The following LMX1B variants were observed in gnomAD, a reference collection of about 807,000 sequenced individuals.
LMX1B encodes the protein LIM homeobox transcription factor 1-beta.
Under a neutral mutation model 51.4 loss-of-function variants are expected in LMX1B, and 12 were observed. The observed-to-expected ratio is 0.23, with a 90% CI of 0.15 to 0.38. The LOEUF is 0.38. Among genes scored for constraint, LMX1B ranks in the 10% least tolerant of loss-of-function variants. LMX1B has a pLI of 1.00. For missense variants in LMX1B, 445 were observed against 571.1 expected, an observed-to-expected ratio of 0.78 and a Z score of 2.25; for synonymous variants, 237 against 235.4, an observed-to-expected ratio of 1.01 and a Z score of -0.06.
At position 126,695,361 on chromosome 9, in the gene LMX1B, A is replaced by G. The variant is rs1480192429; in HGVS notation, c.887-478A>G. 2.0e-5 allele frequency among the ~76,000 whole-genome samples: 3 copies of G among 151,588 alleles called. No individual in the cohort carries two copies. The highest frequency in any genetic ancestry group is 1.9e-4 in the East Asian group (1 of 5,132). On this transcript the variant is annotated intron_variant, in intron 6 of 7. Transcript: ENST00000373474. This position sits in a 1 kb window ranked among gnomAD's most constrained non-coding sequence, Gnocchi z 5.2. ...TCTTGGCCCCACGTGCTGCACCCTC[A>G]CTTACCCGGCGGTCTGTCTCCTCCA...
At chr9:126,628,134 C>T (rs570178664) in intron 2 of LMX1B, among the ~76,000 whole-genome samples, 1 of 152,358 alleles carries the variant, frequency 6.6e-6, no homozygotes, top group Admixed American at 6.5e-5. Context: ...ATCCCACCAT[C>T]TTTCTTGTCT....
At chr9:126,674,917 A>G (rs1588295610) in intron 2 of LMX1B, among the ~76,000 whole-genome samples, 1 of 152,288 alleles carries the variant, frequency 6.6e-6, no homozygotes, top group East Asian at 1.9e-4. Flanking sequence ...CCTTTCAATG[A>G]CTTCCCCGTG....
At chr9:126,624,265 C>T (rs1341040406) in intron 2 of LMX1B, among the ~76,000 whole-genome samples, 4 of 152,204 alleles carry the variant, frequency 2.6e-5, no homozygotes, top group African/African-American at 4.8e-5. Context: ...GGGTGCCCCG[C>T]CAGGTGGGGC....
At chr9:126,684,889 G>A (rs995817719) in intron 2 of LMX1B, among the ~76,000 whole-genome samples, 1 of 152,174 alleles carries the variant, frequency 6.6e-6, no homozygotes, top group Non-Finnish European at 1.5e-5. Context: ...GAAGGGGCTG[G>A]GGGCAGGAGG....
intron 3 of LMX1B, among the ~76,000 whole-genome samples, 163 bp from the exon 4 acceptor site, chr9:126,692,979 G>A (rs2030186907): frequency 1.3e-5 from 2 of 152,222 alleles, no homozygotes; most frequent in African/African-American, 4.8e-5. Context: ...GGGCCTGTGG[G>A]CCACGGGAGG....
At position 126,615,084 on chromosome 9, in the gene LMX1B, G is replaced by C. The variant is rs1182219763; in HGVS notation, c.140-299G>C. ...TGTCTTGGTCCCAGCCGGCCACCCT[G>C]CGCCGTGCTCGTTGTCATTTGTCTT... On this transcript the variant is annotated intron_variant, in intron 1 of 7. Transcript: ENST00000373474. The surrounding 1 kb of genome is among the most constrained non-coding windows in gnomAD (Gnocchi z 6.0). Among the ~76,000 whole-genome samples, 1 of 152,054 alleles carries C rather than the reference G, an allele frequency of 6.6e-6. No individual in the cohort carries two copies. Among genetic ancestry groups the C allele is most frequent in the Non-Finnish European group, 1.5e-5 (1 of 67,982 alleles).
At chr9:126,681,339 A>C (rs1228498068) in intron 2 of LMX1B, among the ~76,000 whole-genome samples, 1 of 151,770 alleles carries the variant, frequency 6.6e-6, no homozygotes, top group Non-Finnish European at 1.5e-5. Context: ...CCAGGGCTGC[A>C]CTCCCTGTTC....
chr9:126,693,087 T>C, intron 3 of LMX1B, 55 bp from the exon 4 acceptor site: 1 of 1,528,264 alleles, frequency 6.5e-7, no homozygotes, highest in Admixed American at 2.0e-5. Context: ...GGGACAAGGC[T>C]GAGGCCTGGG....
chr9:126,618,112 C>G lies in LMX1B; in HGVS notation c.326+2543C>G, dbSNP rs904648896. On this transcript the variant is annotated intron_variant, in intron 2 of 7. Transcript: ENST00000373474. The surrounding 1 kb of genome is among the most constrained non-coding windows in gnomAD (Gnocchi z 4.5). ...ATTTCATCTGTGCGTAAATGCTTTT[C>G]AGACAGGAATCCAAGCAAGCGGGCG... Among the ~76,000 whole-genome samples, 1 of 152,150 alleles carries G rather than the reference C, an allele frequency of 6.6e-6. No homozygotes were observed. The highest frequency in any genetic ancestry group is 2.4e-5 in the African/African-American group (1 of 41,418).
intron 2 of LMX1B, among the ~76,000 whole-genome samples, chr9:126,634,168 C>T (rs1835675742): frequency 6.6e-6 from 1 of 152,160 alleles, no homozygotes; most frequent in Non-Finnish European, 1.5e-5. Context: ...CCAGCCTGGC[C>T]TGCCTGGGAT....
intron 2 of LMX1B, among the ~76,000 whole-genome samples, chr9:126,681,986 T>C (rs1836683381): frequency 6.7e-6 from 1 of 148,860 alleles, no homozygotes; most frequent in Non-Finnish European, 1.5e-5. Flanking sequence ...TCATGTGATC[T>C]GTCCCCTTTG....
rs1255120427 is a variant in LMX1B, at chr9:126,696,445, C to A, written c.1203C>A (p.Ala401=). The A allele has an allele frequency of 1.2e-6, 2 of 1,613,986 alleles. No homozygotes were observed. The highest frequency in any genetic ancestry group is 4.5e-5 in the East Asian group (2 of 44,868). ...ACTCCATGCAGAGTTCCTACTTCGCCTCCTGAGAGCCAGCCAGGCGCACGG... is the reference window on the plus strand; with the variant it reads ...ACTCCATGCAGAGTTCCTACTTCGCATCCTGAGAGCCAGCCAGGCGCACGG... The part of the protein sequence containing the change: ...RLYSMQSSYF[A]S Residue 401 remains alanine (A), a synonymous_variant, in exon 8 of 8, where the codon GCC becomes GCA. Coordinates refer to ENST00000373474, the MANE Select transcript of LMX1B (RefSeq NM_001174147.2).
chr9:126,693,346 G>A, intron 4 of LMX1B, 23 bp downstream of exon 4: 3 of 1,580,714 alleles, frequency 1.9e-6, no homozygotes, highest in Admixed American at 1.8e-5. Context: ...CGGGGGGCGG[G>A]GCTCAGGCTG....
At position 126,658,577 on chromosome 9, in the gene LMX1B, A is replaced by T. The variant is rs1471742617; in HGVS notation, c.327-32259A>T. On this transcript the variant is annotated intron_variant, in intron 2 of 7. Coordinates refer to ENST00000373474, the MANE Select transcript of LMX1B (RefSeq NM_001174147.2). This position sits in a 1 kb window ranked among gnomAD's most constrained non-coding sequence, Gnocchi z 4.0. ...AAGAAGGTGGCCTCGCCCCTCATCCATCATGCCTCTAAGTAACCAATTTAA... is the reference window on the plus strand; with the variant it reads ...AAGAAGGTGGCCTCGCCCCTCATCCTTCATGCCTCTAAGTAACCAATTTAA... 6.6e-6 allele frequency among the ~76,000 whole-genome samples: 1 copy of T among 152,218 alleles called. No homozygotes were observed. The highest frequency in any genetic ancestry group is 1.5e-5 in the Non-Finnish European group (1 of 68,036).
At position 126,682,083 on chromosome 9, in the gene LMX1B, CTTTTTTTT is replaced by C. The variant is rs71377953; in HGVS notation, c.327-8735_327-8728del. Among the ~76,000 whole-genome samples the C allele has an allele frequency of 3.3e-3, 178 of 53,384 alleles. 4 individuals carry two copies. The highest frequency in any genetic ancestry group is 0.014 in the African/African-American group (168 of 11,764). The allele number at this position is 53,384 out of a possible 152,430, so 35.0% of individuals were successfully genotyped here. A position where few individuals can be genotyped will look rare whatever the true frequency, so the allele number is the denominator to read the frequency against. On this transcript the variant is annotated intron_variant, in intron 2 of 7. Transcript: ENST00000373474. The stretch of plus-strand genomic sequence containing the variant: ...CTTGCAGATACTTGGTCCCCAGGGT[CTTTTTTTT>C]TTTTTTTTTTTTTTTTTATAGAGAT...
At chr9:126,659,466 G>A (rs376864634) in intron 2 of LMX1B, among the ~76,000 whole-genome samples, 7 of 152,380 alleles carry the variant, frequency 4.6e-5, no homozygotes, top group East Asian at 3.9e-4. Flanking sequence ...CCAGCAGGGC[G>A]GGCATGGCCC....
chr9:126,663,316 T>C (rs1836280253), intron 2 of LMX1B, among the ~76,000 whole-genome samples: 3 of 150,924 alleles, frequency 2.0e-5, no homozygotes, highest in Admixed American at 1.3e-4. Context: ...TCCCAGCTAC[T>C]CAGGAGGCTG....
At chr9:126,694,620 G>A (rs933765340) in intron 6 of LMX1B, among the ~76,000 whole-genome samples, 7 of 152,200 alleles carry the variant, frequency 4.6e-5, no homozygotes, top group East Asian at 3.8e-4. Flanking sequence ...AGCTGCCTGC[G>A]CCCTGGTGAG....
chr9:126,668,795 G>C (rs1242231412), intron 2 of LMX1B, among the ~76,000 whole-genome samples: 1 of 152,164 alleles, frequency 6.6e-6, no homozygotes, highest in Non-Finnish European at 1.5e-5. Flanking sequence ...ACCCCAAAGA[G>C]GCCCCACTCA....
Sources: gnomAD v4.1 joint callset for allele counts (sites outside exome capture counted in the v4.1 genomes callset) on GRCh38, gnomAD v4.1.1 for gene constraint, Gnocchi (gnomAD v3.1) non-coding constraint, MANE v1.5 for transcripts, NCBI Gene and HGNC (gene_info 2026-07-23, HGNC 2026-07-21) for gene names.